The following CEP192 variants were observed in gnomAD, a reference collection of about 807,000 sequenced individuals.
CEP192 encodes centrosomal protein 192.
In CEP192, 151 loss-of-function variants were observed where a neutral mutation model predicts 271.8. The observed-to-expected ratio is 0.56, with a 90% CI of 0.49 to 0.64. The LOEUF (loss-of-function observed/expected upper bound fraction) is 0.64. Ranked by LOEUF, CEP192 falls within the 30% of genes least tolerant of loss-of-function variation. The pLI, the probability that CEP192 is intolerant of heterozygous loss-of-function variation, is 0.00. For synonymous variants in CEP192, 995 were observed against 1,076.5 expected, an observed-to-expected ratio of 0.92 and a Z score of 1.48; for missense variants, 2,910 against 3,020.5, an observed-to-expected ratio of 0.96 and a Z score of 0.86.
intron 11 of CEP192, among the ~76,000 whole-genome samples, chr18:13,032,682 A>T (rs1449963526): frequency 6.6e-6 from 1 of 152,204 alleles, no homozygotes; most frequent in African/African-American, 2.4e-5. Context: ...TATTCACCAA[A>T]AGACATACTA....
In CEP192 at chr18:13,100,519, T is replaced by A; in HGVS notation, c.6871+7T>A. The A allele has an allele frequency of 6.3e-7, 1 of 1,588,344 alleles. No homozygotes were observed. The highest frequency in any genetic ancestry group is 2.2e-5 in the East Asian group (1 of 44,744). The stretch of plus-strand genomic sequence containing the variant: ...GAACCTGGTGAAACTTCAGGTATTG[T>A]ATCACAAAATTATGTAATTCAAATG... On this transcript the variant is annotated splice_region_variant and intron_variant, in intron 38 of 44. Coordinates refer to ENST00000506447, the MANE Select transcript of CEP192 (RefSeq NM_032142.4).
In CEP192 at chr18:13,071,069, A is replaced by T; in HGVS notation, c.5205A>T (p.Gly1735=). The change falls in exon 28 of 45, where the codon GGA becomes GGT. Residue 1735 remains glycine (G), a synonymous_variant. Transcript: ENST00000506447. ...TGAAAATATTTGTGCAGCCATTTGG[A>T]CCTCAGTATGAGGTAGTGTTAAAAG... ...RILKIFVQPF[G]PQYEVVLKGE... 6.2e-7 allele frequency: 1 copy of T among 1,613,974 alleles called. No homozygotes were observed. Among genetic ancestry groups the T allele is most frequent in the Non-Finnish European group, 8.5e-7 (1 of 1,179,874 alleles).
At chr18:13,115,719 A>G (rs1455242837) in intron 42 of CEP192, among the ~76,000 whole-genome samples, 1 of 152,164 alleles carries the variant, frequency 6.6e-6, no homozygotes, top group Non-Finnish European at 1.5e-5. Context: ...TTCAGCAAAC[A>G]CAAGTGGAGG....
At chr18:13,095,249 G>T (rs140259301) in intron 34 of CEP192, among the ~76,000 whole-genome samples, 1 of 151,954 alleles carries the variant, frequency 6.6e-6, no homozygotes, top group Admixed American at 6.6e-5. Flanking sequence ...CAATCCTCCC[G>T]CCTCGGCCTC....
intron 11 of CEP192, among the ~76,000 whole-genome samples, chr18:13,036,836 G>A (rs376826366): frequency 6.6e-6 from 1 of 152,192 alleles, no homozygotes; most frequent in Non-Finnish European, 1.5e-5. Flanking sequence ...CGGTCCTGGG[G>A]CACGCTTGTA....
At chr18:13,104,422 G>A (rs574588314) in intron 39 of CEP192, among the ~76,000 whole-genome samples, 3 of 152,182 alleles carry the variant, frequency 2.0e-5, no homozygotes, top group Non-Finnish European at 2.9e-5. Flanking sequence ...TTGTGTGATA[G>A]TAACAGTTTT....
At chr18:13,075,481 G>A (rs1568378610) in intron 30 of CEP192, among the ~76,000 whole-genome samples, 2 of 152,084 alleles carry the variant, frequency 1.3e-5, no homozygotes, top group Non-Finnish European at 2.9e-5. Flanking sequence ...CAGGAGAATC[G>A]CTTGAACCCG....
intron 3 of CEP192, among the ~76,000 whole-genome samples, chr18:13,006,328 G>A (rs545155584): frequency 4.0e-5 from 6 of 151,518 alleles, no homozygotes; most frequent in South Asian, 4.2e-4. Context: ...TGAACAACCC[G>A]AGTTTGGACT....
intron 40 of CEP192, among the ~76,000 whole-genome samples, chr18:13,110,228 T>C (rs756342373): frequency 1.3e-5 from 2 of 152,196 alleles, no homozygotes; most frequent in Non-Finnish European, 1.5e-5. Context: ...GAAAGGCTGA[T>C]TCTGAAATTT....
intron 34 of CEP192, among the ~76,000 whole-genome samples, chr18:13,093,641 G>A (rs578258104): frequency 6.6e-6 from 1 of 152,180 alleles, no homozygotes; most frequent in African/African-American, 2.4e-5. Context: ...TTGACACAAG[G>A]TCTCTAAATT....
At chr18:13,111,698 T>A (rs991300023) in intron 40 of CEP192, among the ~76,000 whole-genome samples, 1 of 152,156 alleles carries the variant, frequency 6.6e-6, no homozygotes, top group African/African-American at 2.4e-5. Flanking sequence ...AGACAGAGAA[T>A]AGGGACAAAA....
At chr18:13,008,282 A>G (rs2034104253) in intron 3 of CEP192, among the ~76,000 whole-genome samples, 174 bp from the exon 4 acceptor site, 1 of 152,238 alleles carries the variant, frequency 6.6e-6, no homozygotes, top group South Asian at 2.1e-4. Flanking sequence ...TTCAGTCCCC[A>G]GAATACAGTG....
At chr18:12,996,928 G>A (rs2033284122) in intron 1 of CEP192, among the ~76,000 whole-genome samples, 1 of 152,158 alleles carries the variant, frequency 6.6e-6, no homozygotes, top group African/African-American at 2.4e-5. Context: ...GGAACTGGAT[G>A]CCAGTCATGA....
chr18:13,087,888 C>T (rs2038969586), intron 32 of CEP192, among the ~76,000 whole-genome samples: 1 of 152,164 alleles, frequency 6.6e-6, no homozygotes, highest in African/African-American at 2.4e-5. Flanking sequence ...ATGTATTGTG[C>T]CACTCTTCCC....
rs1156485862 is a variant in CEP192 at position 13,068,896 on chromosome 18, G to A, written c.4867G>A (p.Glu1623Lys). 6 of 1,613,964 alleles carry A rather than the reference G, an allele frequency of 3.7e-6. No individual in the cohort carries two copies. Among genetic ancestry groups the A allele is most frequent in the South Asian group, 1.1e-5 (1 of 91,076 alleles). Reference protein sequence around the residue: ...AEEFSAKVDIEVDSPNPTPVL... With the variant: ...AEEFSAKVDIKVDSPNPTPVL... The stretch of plus-strand genomic sequence containing the variant: ...AGAATTCTCGGCAAAAGTTGATATC[G>A]AAGTTGACAGCCCAAACCCTACGCC... The change falls in exon 25 of 45, where the codon GAA becomes AAA. Residue 1623 changes from glutamate (E) to lysine (K), a missense_variant. Coordinates refer to ENST00000506447, the MANE Select transcript of CEP192 (RefSeq NM_032142.4).
chr18:13,080,998 A>G (rs1013181018), intron 30 of CEP192, among the ~76,000 whole-genome samples: 16 of 152,182 alleles, frequency 1.1e-4, no homozygotes, highest in African/African-American at 3.1e-4. Context: ...CAACTTGATC[A>G]TGGTGGATAA....
rs1165782893 is a variant in CEP192 at position 13,015,747 on chromosome 18, A to AT, written c.640+315dup. On this transcript the variant is annotated intron_variant, in intron 6 of 44. Transcript: ENST00000506447. ...GTTTAGAAATTAGGGGAACCATGAAATTTTTTTTTTTTTTTTGAGATGGAA... is the reference window on the plus strand; with the variant it reads ...GTTTAGAAATTAGGGGAACCATGAAATTTTTTTTTTTTTTTTTGAGATGGAA... Among the ~76,000 whole-genome samples the AT allele has an allele frequency of 5.8e-3, 826 of 143,060 alleles. 4 individuals are homozygous for AT. The highest frequency in any genetic ancestry group is 0.013 in the African/African-American group (500 of 39,218). The allele number at this position is 143,060 out of a possible 152,430, so 93.9% of individuals were successfully genotyped here.
intron 6 of CEP192, among the ~76,000 whole-genome samples, chr18:13,016,333 G>C (rs993604175): frequency 2.0e-5 from 3 of 152,124 alleles, no homozygotes; most frequent in Admixed American, 2.0e-4. Flanking sequence ...TGTGTTTTGG[G>C]AAACAGCCAG....
intron 9 of CEP192, among the ~76,000 whole-genome samples, chr18:13,020,709 C>T (rs1340936878): frequency 6.6e-6 from 1 of 152,176 alleles, no homozygotes; most frequent in Non-Finnish European, 1.5e-5. Context: ...ACTAGGATTC[C>T]AATTTTTCCA....
Sources: gnomAD v4.1 joint callset for allele counts (sites outside exome capture counted in the v4.1 genomes callset) on GRCh38, gnomAD v4.1.1 for gene constraint, MANE v1.5 for transcripts, NCBI Gene and HGNC (gene_info 2026-07-23, HGNC 2026-07-21) for gene names.